KCNQ4: variants seen among roughly 807,000 people sequenced by gnomAD.
KCNQ4 encodes potassium voltage-gated channel subfamily Q member 4.
A neutral mutation model predicts 72.6 loss-of-function variants in KCNQ4; 31 were observed. The observed-to-expected ratio is 0.43, with a 90% CI of 0.32 to 0.58. KCNQ4 has a LOEUF of 0.58. KCNQ4 is among the 20% of genes least tolerant of loss of function. The pLI is 0.08. For missense variants in KCNQ4, 869 were observed against 962.6 expected, an observed-to-expected ratio of 0.90 and a Z score of 1.29; for synonymous variants, 405 against 403.7, an observed-to-expected ratio of 1.00 and a Z score of -0.04.
At chr1:40,803,731 C>T (rs1377896864) in intron 1 of KCNQ4, among the ~76,000 whole-genome samples, 1 of 152,216 alleles carries the variant, frequency 6.6e-6, no homozygotes. Flanking sequence ...TTTGGGGTTC[C>T]CACTGGGAGC....
intron 4 of KCNQ4, among the ~76,000 whole-genome samples, 185 bp from the exon 5 acceptor site, chr1:40,819,162 A>C: frequency 1.3e-5 from 1 of 78,270 alleles, no homozygotes; most frequent in South Asian, 4.8e-4. Context: ...GGGTCGGGGT[A>C]GGGGGAGTGC....
intron 1 of KCNQ4, among the ~76,000 whole-genome samples, chr1:40,789,217 C>A (rs576312747): frequency 6.6e-6 from 1 of 152,208 alleles, no homozygotes; most frequent in South Asian, 2.1e-4. Flanking sequence ...CCTCGGGGGT[C>A]CTTTGATCTG....
chr1:40,832,732 T>C (rs1009804752), intron 10 of KCNQ4, among the ~76,000 whole-genome samples: 2 of 152,274 alleles, frequency 1.3e-5, no homozygotes, highest in East Asian at 3.9e-4. Flanking sequence ...TGCAACAAAC[T>C]TGCCCTGGAC....
At chr1:40,804,279 G>A (rs745321394) in intron 1 of KCNQ4, among the ~76,000 whole-genome samples, 30 of 152,194 alleles carry the variant, frequency 2.0e-4, no homozygotes, top group Non-Finnish European at 3.5e-4. Flanking sequence ...AGAGGCAGGT[G>A]CCTGAGTCCT....
At chr1:40,833,848 A>T (rs957776007) in intron 11 of KCNQ4, among the ~76,000 whole-genome samples, 10 of 151,552 alleles carry the variant, frequency 6.6e-5, no homozygotes, top group African/African-American at 2.2e-4. Flanking sequence ...AAAAAAAAAA[A>T]AAATTAAAAA....
chr1:40,830,546 G>A (rs900713870), intron 9 of KCNQ4, among the ~76,000 whole-genome samples: 8 of 152,038 alleles, frequency 5.3e-5, no homozygotes, highest in Non-Finnish European at 7.4e-5. Context: ...ACCCACACTC[G>A]CACATGTGTG....
chr1:40,806,389 T>C (rs942972983), intron 1 of KCNQ4, among the ~76,000 whole-genome samples: 1 of 152,194 alleles, frequency 6.6e-6, no homozygotes. Context: ...TGCCCCTGTG[T>C]CCTCTTTGTT....
intron 11 of KCNQ4, among the ~76,000 whole-genome samples, chr1:40,833,552 G>A (rs1648720765): frequency 6.6e-6 from 1 of 152,140 alleles, no homozygotes; most frequent in East Asian, 1.9e-4. Flanking sequence ...TGGCCTCCAA[G>A]CTCCTTGGTG....
intron 1 of KCNQ4, among the ~76,000 whole-genome samples, chr1:40,807,319 T>C (rs1483400605): frequency 6.6e-6 from 1 of 152,132 alleles, no homozygotes; most frequent in Non-Finnish European, 1.5e-5. Context: ...TACTGAGTAG[T>C]GCTCCACCTA....
At chr1:40,792,144 C>T (rs1019680187) in intron 1 of KCNQ4, among the ~76,000 whole-genome samples, 3 of 152,072 alleles carry the variant, frequency 2.0e-5, no homozygotes, top group African/African-American at 7.2e-5. Flanking sequence ...CTGGGAGCCT[C>T]GGGCCTGTCC....
chr1:40,802,294 G>T (rs568911617), intron 1 of KCNQ4, among the ~76,000 whole-genome samples: 9 of 152,072 alleles, frequency 5.9e-5, no homozygotes, highest in African/African-American at 2.2e-4. Context: ...TCCGCCCCTG[G>T]CCTCGGGGAC....
At chr1:40,799,608 G>A (rs562355786) in intron 1 of KCNQ4, among the ~76,000 whole-genome samples, 1 of 152,338 alleles carries the variant, frequency 6.6e-6, no homozygotes, top group East Asian at 1.9e-4. Flanking sequence ...ATGGCAGGAG[G>A]CCCTGGCAGC....
chr1:40,801,893 G>C (rs562629445), intron 1 of KCNQ4, among the ~76,000 whole-genome samples: 98 of 152,200 alleles, frequency 6.4e-4, no homozygotes, highest in African/African-American at 2.1e-3. Context: ...GCAAGGACCC[G>C]ACTTTGATTT....
At chr1:40,814,235 G>C (rs1648017897) in intron 1 of KCNQ4, among the ~76,000 whole-genome samples, 1 of 150,190 alleles carries the variant, frequency 6.7e-6, no homozygotes, top group Non-Finnish European at 1.5e-5. Flanking sequence ...TGTATTTTTA[G>C]TAGAGGCGGG....
intron 13 of KCNQ4, 145 bp from the exon 14 acceptor site, chr1:40,838,166 C>A: frequency 1.3e-6 from 1 of 765,810 alleles, no homozygotes; most frequent in Non-Finnish European, 2.2e-6. Context: ...TCTAGCCAAG[C>A]TCCACCTTTC....
At chr1:40,792,741 A>T (rs1647308807) in intron 1 of KCNQ4, among the ~76,000 whole-genome samples, 1 of 152,084 alleles carries the variant, frequency 6.6e-6, no homozygotes, top group African/African-American at 2.4e-5. Flanking sequence ...CAACCTGGGG[A>T]TGCACAGAGG....
At position 40,794,520 on chromosome 1, in the gene KCNQ4, G is replaced by A. The variant is rs145321006; in HGVS notation, c.314+10113G>A. On this transcript the variant is annotated intron_variant, in intron 1 of 13. Transcript: ENST00000347132. This position sits in a 1 kb window ranked among gnomAD's most constrained non-coding sequence, Gnocchi z 4.2. ...TCGAGTCAAGACTCAAACCCATGTC[G>A]GCATCAGGGCCAAGCCCGAGCTCTA... is the stretch of plus-strand genomic sequence containing the variant. Among the ~76,000 whole-genome samples the A allele has an allele frequency of 4.1e-3, 625 of 152,264 alleles. 4 individuals carry two copies. The highest frequency in any genetic ancestry group is 0.014 in the African/African-American group (578 of 41,536).
chr1:40,819,842 C>T (rs768081997), intron 5 of KCNQ4, 33 bp from the exon 6 acceptor site: 1 of 1,548,126 alleles, frequency 6.5e-7, no homozygotes, highest in South Asian at 1.1e-5. Flanking sequence ...GCCCCCGTGA[C>T]CAGTCCTGCC....
intron 4 of KCNQ4, chr1:40,818,958 G>A (rs1648190878): frequency 1.7e-6 from 1 of 593,684 alleles, no homozygotes; most frequent in African/African-American, 1.9e-5. Context: ...TGGGTTTGAA[G>A]GGACCACTCG....
Sources: gnomAD v4.1 joint callset for allele counts (sites outside exome capture counted in the v4.1 genomes callset) on GRCh38, gnomAD v4.1.1 for gene constraint, Gnocchi (gnomAD v3.1) non-coding constraint, MANE v1.5 for transcripts, NCBI Gene and HGNC (gene_info 2026-07-23, HGNC 2026-07-21) for gene names.